ADGRE3: variants seen among roughly 807,000 people sequenced by gnomAD.
The protein encoded by ADGRE3 is EGF-like module receptor 3.
A neutral mutation model predicts 80.1 loss-of-function variants in ADGRE3; 88 were observed. That is an observed-to-expected ratio of 1.10 (90% CI 0.93 to 1.31). The LOEUF is 1.31. Ranked by LOEUF, ADGRE3 falls within the 40% of genes most tolerant of loss-of-function variation. ADGRE3 has a pLI of 0.00. For synonymous variants in ADGRE3, 281 were observed against 294.8 expected (o/e 0.95, Z 0.48); for missense variants, 715 against 776.5 (o/e 0.92, Z 0.94).
chr19:14,652,312 T>G lies in ADGRE3; in HGVS notation c.578-1108A>C, dbSNP rs1021579422. On this transcript the variant is annotated intron_variant, in intron 6 of 15. Coordinates refer to ENST00000253673, the MANE Select transcript of ADGRE3 (RefSeq NM_032571.5). Reference sequence around the variant, plus strand: ...ACACCTTAATAAAGCTAAAAAATGTTAAGCTCATGAAAATATGTATCTTAA... The same window carrying G: ...ACACCTTAATAAAGCTAAAAAATGTGAAGCTCATGAAAATATGTATCTTAA... Among the ~76,000 whole-genome samples, 4 of 152,248 alleles carry G rather than the reference T, an allele frequency of 2.6e-5. No individual in the cohort carries two copies. The South Asian group carries it at 8.3e-4, about 32-fold the overall frequency.
chr19:14,658,787 T>C (rs955701406), intron 4 of ADGRE3, among the ~76,000 whole-genome samples: 1 of 152,100 alleles, frequency 6.6e-6, no homozygotes, highest in Non-Finnish European at 1.5e-5. Flanking sequence ...CAGGCTGGAG[T>C]GCAATGGTGC....
chr19:14,661,222 G>A (rs10416419), intron 4 of ADGRE3, among the ~76,000 whole-genome samples: 5,551 of 152,238 alleles, frequency 0.036, 279 homozygotes, highest in African/African-American at 0.12. Context: ...GATTACAGGC[G>A]TGAGCCACCC....
chr19:14,621,669 C>T lies in ADGRE3; in HGVS notation c.1921-2198G>A, dbSNP rs1475531472. ...TACTTCGGATTGACCACAGTTGTTA[C>T]GGCACTCTTATAAATAGGATTTTCA... is the stretch of plus-strand genomic sequence containing the variant. On this transcript the variant is annotated intron_variant, in intron 15 of 15. Transcript: ENST00000253673. 2.2e-5 allele frequency: 23 copies of T among 1,024,446 alleles called. 8 individuals carry two copies. Among genetic ancestry groups the T allele is most frequent in the South Asian group, 1.1e-4 (7 of 61,862 alleles). 63.5% of individuals were successfully genotyped at this position (1,024,446 alleles called of 1,614,324 possible).
chr19:14,616,966 C>A (rs918888684), downstream of ADGRE3, among the ~76,000 whole-genome samples: 1 of 151,460 alleles, frequency 6.6e-6, no homozygotes, highest in South Asian at 2.1e-4. Context: ...TGGCTAATTT[C>A]GTATTTTTAG....
chr19:14,626,720 A>G (rs1970746000), intron 14 of ADGRE3, among the ~76,000 whole-genome samples: 1 of 152,188 alleles, frequency 6.6e-6, no homozygotes, highest in Non-Finnish European at 1.5e-5. Context: ...AGAATGCATA[A>G]TTAAGGTTAT....
At chr19:14,645,526 G>T (rs1217734110) in intron 8 of ADGRE3, among the ~76,000 whole-genome samples, 1 of 152,128 alleles carries the variant, frequency 6.6e-6, no homozygotes, top group African/African-American at 2.4e-5. Flanking sequence ...AGGTGTGGTG[G>T]CACTTGCTCG....
At chr19:14,662,487 G>C (rs185639385) in intron 3 of ADGRE3, among the ~76,000 whole-genome samples, 1 of 152,260 alleles carries the variant, frequency 6.6e-6, no homozygotes, top group African/African-American at 2.4e-5. Context: ...CTGAGTTCAA[G>C]CGATTCTCCT....
chr19:14,668,714 C>G, intron 2 of ADGRE3, 88 bp downstream of exon 2: 1 of 1,043,412 alleles, frequency 9.6e-7, no homozygotes, highest in Non-Finnish European at 1.5e-6. Flanking sequence ...TCAGAACAGG[C>G]ACTTTTCTCC....
At chr19:14,636,012 T>TTCCTTC (rs1568480908) in intron 11 of ADGRE3, among the ~76,000 whole-genome samples, 1,503 of 99,238 alleles carry the variant, frequency 0.015, 159 homozygotes, top group African/African-American at 0.036. Context: ...TCTCTTTCTT[T>TTCCTTC]CTTCCTTCCT....
chr19:14,629,068 C>T (rs1970808158), intron 14 of ADGRE3, among the ~76,000 whole-genome samples: 1 of 151,838 alleles, frequency 6.6e-6, no homozygotes, highest in Non-Finnish European at 1.5e-5. Flanking sequence ...ATTACAGGCG[C>T]CTCCATCATA....
chr19:14,648,699 G>A (rs1312426976), intron 7 of ADGRE3, among the ~76,000 whole-genome samples: 1 of 152,080 alleles, frequency 6.6e-6, no homozygotes, highest in Non-Finnish European at 1.5e-5. Context: ...CTATAATGTG[G>A]GTGGGCCTTA....
At chr19:14,625,287 G>A (rs184139218) in intron 15 of ADGRE3, among the ~76,000 whole-genome samples, 140 of 152,138 alleles carry the variant, frequency 9.2e-4, no homozygotes, top group Admixed American at 2.0e-3. Flanking sequence ...GCTAATGCTG[G>A]GCTTAATACC....
intron 9 of ADGRE3, among the ~76,000 whole-genome samples, chr19:14,643,331 A>G (rs969429772): frequency 4.6e-5 from 7 of 151,020 alleles, no homozygotes; most frequent in Admixed American, 6.6e-5. Context: ...TTTTTAGTAG[A>G]GATGGGGTTT....
chr19:14,663,561 G>A (rs759840290), intron 2 of ADGRE3, 21 bp from the exon 3 acceptor site: 26 of 1,607,480 alleles, frequency 1.6e-5, no homozygotes, highest in Non-Finnish European at 2.2e-5. Flanking sequence ...AAGAGAGGCA[G>A]GTTAAATGGA....
chr19:14,661,227 C>A (rs1427128404), intron 4 of ADGRE3, among the ~76,000 whole-genome samples: 1 of 152,198 alleles, frequency 6.6e-6, no homozygotes, highest in Non-Finnish European at 1.5e-5. Flanking sequence ...CAGGCGTGAG[C>A]CACCCCTCCC....
chr19:14,613,395 ATTT>A, the ADGRE3 span, among the ~76,000 whole-genome samples: 1 of 143,706 alleles, frequency 7.0e-6, no homozygotes. Context: ...GCTAATTTTA[ATTT>A]TTTTTTTTTT....
At chr19:14,645,120 C>A (rs1050223789) in intron 8 of ADGRE3, among the ~76,000 whole-genome samples, 3 of 151,894 alleles carry the variant, frequency 2.0e-5, no homozygotes. Flanking sequence ...CCCTGGGAAC[C>A]ACAGTTTCAA....
chr19:14,666,265 TA>T (rs1314951900), intron 2 of ADGRE3, among the ~76,000 whole-genome samples: 2 of 151,906 alleles, frequency 1.3e-5, no homozygotes, highest in African/African-American at 2.4e-5. Context: ...CAACATCTAT[TA>T]TTTTTTTATT....
At chr19:14,665,936 G>GTATATATATATA (rs71309616) in intron 2 of ADGRE3, among the ~76,000 whole-genome samples, 30 of 42,090 alleles carry the variant, frequency 7.1e-4, no homozygotes, top group Non-Finnish European at 8.0e-4. Context: ...ACACATATGT[G>GTATATATATATA]TATATATATA....
Sources: gnomAD v4.1 joint callset for allele counts (sites outside exome capture counted in the v4.1 genomes callset) on GRCh38, gnomAD v4.1.1 for gene constraint, MANE v1.5 for transcripts, NCBI Gene and HGNC (gene_info 2026-07-23, HGNC 2026-07-21) for gene names.